PGAP6: variants seen among roughly 807,000 people sequenced by gnomAD.
The protein encoded by PGAP6 is post-GPI attachment to proteins factor 6.
A neutral mutation model predicts 68.4 loss-of-function variants in PGAP6; 62 were observed. The ratio of observed to expected loss-of-function variants is 0.91; its 90% confidence interval spans 0.74 to 1.12. PGAP6 has a LOEUF of 1.12. Ranked by LOEUF, PGAP6 falls within the 50% of genes most tolerant of loss-of-function variation. PGAP6 has a pLI of 0.00. For synonymous variants in PGAP6, 575 were observed against 474.0 expected (o/e 1.21, Z -2.77); for missense variants, 1,188 against 1,068.5 (o/e 1.11, Z -1.56).
rs530798560 is a variant in PGAP6 at position 372,243 on chromosome 16, G to A, written c.2060C>T (p.Ser687Leu). 5.0e-6 allele frequency: 8 copies of A among 1,612,040 alleles called. No individual in the cohort carries two copies. Among genetic ancestry groups the A allele is most frequent in the African/African-American group, 4.0e-5 (3 of 75,036 alleles). ...CGHRRQCYPT[S>L]WQRWAFYLLP... ...GAGGTAGAAGGCCCAGCGCTGCCAC[G>A]AGGTGGGGTAGCACTGGCGCCGGTG... The change falls in exon 13 of 13, where the codon TCG (serine) becomes TTG (leucine). Residue 687 changes from serine to leucine, a missense_variant. By Grantham distance (145) the Ser-to-Leu change is moderately radical (BLOSUM62 -2). Transcript: ENST00000431232.
At chr16:379,338 G>A (rs969197054) in intron 1 of PGAP6, among the ~76,000 whole-genome samples, 1 of 152,234 alleles carries the variant, frequency 6.6e-6, no homozygotes, top group Non-Finnish European at 1.5e-5. Flanking sequence ...CCTGCCAATA[G>A]CAGCCTGTCG....
chr16:377,468 G>T lies in PGAP6; in HGVS notation c.417C>A (p.Ser139Arg). ...GGTGGGAAACGTTGACGGAGGCATT[G>T]CTTCTCGGTGTGGTGCTCAGCGGCA... Reference protein sequence around the residue: ...VGVPLSTTPRSNASVNVSHPA... With the variant: ...VGVPLSTTPRRNASVNVSHPA... The change falls in exon 3 of 13, where the codon AGC becomes AGA. Residue 139 changes from serine (S) to arginine (R), a missense_variant. Physicochemically the swap from Ser to Arg is moderately radical, Grantham distance 110. Coordinates refer to ENST00000431232, the MANE Select transcript of PGAP6 (RefSeq NM_021259.3). The T allele has an allele frequency of 6.2e-7, 1 of 1,610,672 alleles. No homozygotes were observed. The highest frequency in any genetic ancestry group is 8.5e-7 in the Non-Finnish European group (1 of 1,179,068).
In PGAP6 at chr16:377,497, C is replaced by T. The variant is rs369425622; in HGVS notation, c.388G>A (p.Gly130Arg). ...DTAVQPSFQV[G>R]VPLSTTPRSN... ...CTCGGTGTGGTGCTCAGCGGCACCC[C>T]GACCTGGAAGGAGGGCTGTACCGCG... The change falls in exon 3 of 13, where the codon GGG (glycine) becomes AGG (arginine). Residue 130 changes from glycine (G) to arginine (R), a missense_variant. Coordinates refer to ENST00000431232, the MANE Select transcript of PGAP6 (RefSeq NM_021259.3). The T allele has an allele frequency of 2.9e-5, 46 of 1,604,380 alleles. No individual in the cohort carries two copies. The highest frequency in any genetic ancestry group is 1.9e-4 in the African/African-American group (14 of 74,822).
intron 1 of PGAP6, among the ~76,000 whole-genome samples, chr16:381,399 C>CGG (rs1438701744): frequency 0.02 from 3,070 of 152,160 alleles, 120 homozygotes; most frequent in African/African-American, 0.069. Context: ...CTCCACTTCC[C>CGG]CGCGCCGGGC....
At chr16:386,901 C>T (rs1261527351), upstream of PGAP6, 1 of 618,212 alleles carries the variant, frequency 1.6e-6, no homozygotes, top group South Asian at 1.4e-5. Flanking sequence ...ACTCACCTTC[C>T]AGCGGCCCAA....
At chr16:374,974 C>A in intron 8 of PGAP6, 82 bp from the exon 9 acceptor site, 1 of 1,596,002 alleles carries the variant, frequency 6.3e-7, no homozygotes, top group Non-Finnish European at 8.5e-7. Flanking sequence ...GGCTGACAGA[C>A]ATGAGAACGC....
At chr16:382,248 A>C (rs2054450686), upstream of PGAP6, 5 of 393,192 alleles carry the variant, frequency 1.3e-5, no homozygotes, top group Middle Eastern at 6.4e-4. Context: ...ATTCTCCCCG[A>C]GGCGTGGGCT....
chr16:381,296 G>A (rs1254498542), intron 1 of PGAP6, among the ~76,000 whole-genome samples: 4 of 152,238 alleles, frequency 2.6e-5, no homozygotes, highest in African/African-American at 9.6e-5. Flanking sequence ...ACTTTCTCCC[G>A]GCTCTGCCCC....
At chr16:382,069 AG>A, upstream of PGAP6, 1 of 335,336 alleles carries the variant, frequency 3.0e-6, no homozygotes, top group Non-Finnish European at 4.3e-6. Context: ...CGCCGGGGGG[AG>A]GGGTCACGTG....
In PGAP6 at chr16:374,783, G is replaced by T; in HGVS notation, c.1549C>A (p.Leu517Met). Residue 517 changes from leucine (L) to methionine (M), a missense_variant, in exon 9 of 13, where the codon CTG becomes ATG. Coordinates refer to ENST00000431232, the MANE Select transcript of PGAP6 (RefSeq NM_021259.3). ...GCCTTGCAGCTGCAGCTGGCATACA[G>T]GTAGCTGTGTCTGCGGAGCAGGAGG... ...QCLLLRRHSY[L>M]YASCSCKAGW... The T allele has an allele frequency of 6.2e-7, 1 of 1,612,792 alleles. No individual in the cohort carries two copies.
upstream of PGAP6, among the ~76,000 whole-genome samples, chr16:385,504 G>A (rs1217589859): frequency 6.7e-6 from 1 of 149,840 alleles, no homozygotes; most frequent in Admixed American, 6.7e-5. Flanking sequence ...GTAGAGATGG[G>A]ATTTCACCCT....
At chr16:378,878 G>A (rs1003809833) in intron 1 of PGAP6, among the ~76,000 whole-genome samples, 1 of 152,244 alleles carries the variant, frequency 6.6e-6, no homozygotes, top group South Asian at 2.1e-4. Flanking sequence ...TGTCCTCAGG[G>A]AACGCACCCA....
upstream of PGAP6, among the ~76,000 whole-genome samples, chr16:384,712 C>T (rs925716061): frequency 1.3e-4 from 20 of 152,018 alleles, no homozygotes; most frequent in Admixed American, 3.3e-4. Flanking sequence ...AAAAGTTAGC[C>T]GGGCGTGGTG....
chr16:372,669 C>A lies in PGAP6; in HGVS notation c.1961G>T (p.Gly654Val). The change falls in exon 12 of 13, where the codon GGC becomes GTC. Residue 654 changes from glycine to valine, a missense_variant. Gly to Val is a moderately radical substitution (Grantham distance 109). Transcript: ENST00000431232. ...IAMSLQLDRRGMWNMLGPCLF... is the reference protein window; with the variant it reads ...IAMSLQLDRRVMWNMLGPCLF... The stretch of plus-strand genomic sequence containing the variant: ...GCAGGGCCCCAGCATGTTCCACATG[C>A]CCCTGCGGTCCAGCTGCAAGGACAT... The A allele has an allele frequency of 6.2e-7, 1 of 1,612,498 alleles. No homozygotes were observed. Among genetic ancestry groups the A allele is most frequent in the South Asian group, 1.1e-5 (1 of 91,086 alleles).
upstream of PGAP6, among the ~76,000 whole-genome samples, chr16:384,628 G>A (rs1286046609): frequency 2.0e-5 from 3 of 152,198 alleles, no homozygotes; most frequent in African/African-American, 4.8e-5. Flanking sequence ...GGCTGAGGCC[G>A]GCGGATCACG....
intron 10 of PGAP6, 22 bp from the exon 11 acceptor site, chr16:374,173 G>C (rs114839210): frequency 2.9e-5 from 47 of 1,610,348 alleles, no homozygotes; most frequent in Non-Finnish European, 4.0e-5. Flanking sequence ...CTCCATGAGC[G>C]CGGTCCTGCC....
chr16:375,047 G>A (rs1170998208), intron 8 of PGAP6, 86 bp downstream of exon 8: 22 of 1,582,614 alleles, frequency 1.4e-5, no homozygotes, highest in African/African-American at 4.0e-5. Context: ...GGGTCACTCC[G>A]AACGCCAACC....
intron 6 of PGAP6, 30 bp downstream of exon 6, chr16:376,106 G>A: frequency 6.4e-7 from 1 of 1,572,264 alleles, no homozygotes; most frequent in Non-Finnish European, 8.6e-7. Context: ...CCCGAGCCCA[G>A]GCCACAGGCC....
At chr16:386,256 C>T (rs187831912), upstream of PGAP6, among the ~76,000 whole-genome samples, 35 of 152,070 alleles carry the variant, frequency 2.3e-4, no homozygotes, top group Non-Finnish European at 3.8e-4. Context: ...AAAAAAAAGC[C>T]GTAATCCAAT....
Sources: gnomAD v4.1 joint callset for allele counts (sites outside exome capture counted in the v4.1 genomes callset) on GRCh38, gnomAD v4.1.1 for gene constraint, MANE v1.5 for transcripts, NCBI Gene and HGNC (gene_info 2026-07-23, HGNC 2026-07-21) for gene names.